SLC7A14: variants seen among roughly 807,000 people sequenced by gnomAD.
SLC7A14 encodes the protein gamma-aminobutyric acid transporter SLC7A14.
A neutral mutation model predicts 60.2 loss-of-function variants in SLC7A14; 37 were observed. That is an observed-to-expected ratio of 0.61 (90% confidence interval 0.47 to 0.81). The LOEUF (loss-of-function observed/expected upper bound fraction) is 0.81. SLC7A14 is among the 30% of genes least tolerant of loss of function. The pLI is 0.00. For synonymous variants in SLC7A14, 399 were observed against 395.8 expected (o/e 1.01, Z -0.10); for missense variants, 886 against 982.7 (o/e 0.90, Z 1.32).
chr3:170,543,713 G>C (rs534245656), intron 1 of SLC7A14, among the ~76,000 whole-genome samples: 4 of 151,668 alleles, frequency 2.6e-5, no homozygotes, highest in African/African-American at 4.8e-5. Flanking sequence ...GTTGGGAAAG[G>C]GGATGGGCTA....
chr3:170,556,443 T>C (rs1422767243), intron 1 of SLC7A14, among the ~76,000 whole-genome samples: 1 of 152,212 alleles, frequency 6.6e-6, no homozygotes, highest in Non-Finnish European at 1.5e-5. Context: ...AGATCTTCTG[T>C]AAATACCATT....
At chr3:170,476,811 AAAGTCAC>A (rs1711631983) in intron 7 of SLC7A14, 1 of 152,254 alleles carries the variant, frequency 6.6e-6, no homozygotes, top group Non-Finnish European at 1.5e-5. Flanking sequence ...TAAATTTCCC[AAAGTCAC>A]AAGACAAAGG....
chr3:170,486,742 C>T (rs1009551190), intron 4 of SLC7A14, among the ~76,000 whole-genome samples: 6 of 151,944 alleles, frequency 3.9e-5, no homozygotes, highest in East Asian at 1.9e-4. Flanking sequence ...CATGGTGACG[C>T]GCACCTGTAA....
At chr3:170,500,550 A>G (rs750048147) in intron 3 of SLC7A14, among the ~76,000 whole-genome samples, 1 of 150,682 alleles carries the variant, frequency 6.6e-6, no homozygotes, top group Non-Finnish European at 1.5e-5. Context: ...TCACTGTTAT[A>G]TTACCCCTCC....
intron 1 of SLC7A14, among the ~76,000 whole-genome samples, chr3:170,567,771 G>GT (rs1714835375): frequency 6.6e-6 from 1 of 150,740 alleles, no homozygotes; most frequent in African/African-American, 2.4e-5. Flanking sequence ...GATGGTGAGC[G>GT]TTTTTTCATG....
At chr3:170,566,962 C>A (rs1714808197) in intron 1 of SLC7A14, among the ~76,000 whole-genome samples, 1 of 152,012 alleles carries the variant, frequency 6.6e-6, no homozygotes, top group Admixed American at 6.5e-5. Context: ...CTTAAACATT[C>A]ATTTACAACT....
rs574542453 is a variant in SLC7A14 at position 170,463,877 on chromosome 3, A to G, written c.*3178T>C. On this transcript the variant is annotated 3_prime_UTR_variant, in exon 8 of 8. Coordinates refer to ENST00000231706, the MANE Select transcript of SLC7A14 (RefSeq NM_020949.3). ...CAGGCACATGTAGCTAGCAAAATCTAGGTTTGAAGCTTACCTGTGGATTTT... is the reference window on the plus strand; with the variant it reads ...CAGGCACATGTAGCTAGCAAAATCTGGGTTTGAAGCTTACCTGTGGATTTT... 13 of 152,352 alleles carry G rather than the reference A, an allele frequency of 8.5e-5. No individual in the cohort carries two copies. Among genetic ancestry groups the G allele is most frequent in the Admixed American group, 7.8e-4 (12 of 15,304 alleles). The allele number at this position is 152,352 out of a possible 1,614,324, so 9.4% of individuals were successfully genotyped here.
intron 1 of SLC7A14, among the ~76,000 whole-genome samples, chr3:170,584,658 G>T (rs553368996): frequency 2.6e-5 from 4 of 152,276 alleles, no homozygotes; most frequent in East Asian, 1.9e-4. Context: ...GTTTCTGCTC[G>T]CAGGGAATGT....
rs570261466 is a variant in SLC7A14, at chr3:170,524,192, T to C, written c.304+2441A>G. On this transcript the variant is annotated intron_variant, in intron 2 of 7. Transcript: ENST00000231706. Reference sequence around the variant, plus strand: ...GTTTAACAACTAATTCTCTGAACAATGGTAACAACAACAAACACATAGGCC... The same window carrying C: ...GTTTAACAACTAATTCTCTGAACAACGGTAACAACAACAAACACATAGGCC... Among the ~76,000 whole-genome samples the C allele has an allele frequency of 2.0e-5, 3 of 152,284 alleles. No individual in the cohort carries two copies. The East Asian group carries it at 5.8e-4, about 29-fold the overall frequency.
rs779743930 is a variant in SLC7A14, at chr3:170,526,891, C to T, written c.46G>A (p.Gly16Arg). ...GAGTGCATTGCATACCAGGCAGCTC[C>T]CCACTGCACCCGCCGGGGGTCCAGC... ...TSLDPRRVQW[G>R]AAWYAMHSRI... Residue 16 changes from glycine (G) to arginine (R), a missense_variant, in exon 2 of 8, where the codon GGA becomes AGA. By Grantham distance (125) the Gly-to-Arg change is moderately radical. Transcript: ENST00000231706. The T allele has an allele frequency of 2.5e-6, 4 of 1,613,636 alleles. No individual in the cohort carries two copies. The African/African-American group carries it at 4.0e-5, about 16-fold the overall frequency.
chr3:170,582,542 G>A (rs1447484624), intron 1 of SLC7A14, among the ~76,000 whole-genome samples: 2 of 152,174 alleles, frequency 1.3e-5, no homozygotes, highest in Non-Finnish European at 2.9e-5. Flanking sequence ...AGGGCCCAGA[G>A]CACCTCAGCA....
rs1359144751 is a variant in SLC7A14, at chr3:170,541,827, T to G, written c.-152-14739A>C. Among the ~76,000 whole-genome samples the G allele has an allele frequency of 2.0e-5, 3 of 152,316 alleles. No homozygotes were observed. In the East Asian group the frequency reaches 5.8e-4, roughly 29 times the overall value. On this transcript the variant is annotated intron_variant, in intron 1 of 7. Coordinates refer to ENST00000231706, the MANE Select transcript of SLC7A14 (RefSeq NM_020949.3). ...CAGTTACTCTTGCACCAACCTAATA[T>G]TTTTATCTTTTCTGTGGTCAGGATC...
At chr3:170,497,652 T>C (rs1008845188) in intron 4 of SLC7A14, among the ~76,000 whole-genome samples, 2 of 152,240 alleles carry the variant, frequency 1.3e-5, no homozygotes, top group Non-Finnish European at 2.9e-5. Context: ...CTAAGGTCCC[T>C]GACAGCTCAA....
At chr3:170,495,613 GC>G (rs1481245817) in intron 4 of SLC7A14, 1 of 785,960 alleles carries the variant, frequency 1.3e-6, no homozygotes, top group Non-Finnish European at 2.3e-6. Flanking sequence ...GGTGGGGCCA[GC>G]GGCATAGGAG....
chr3:170,508,231 C>CG (rs1712846667), intron 2 of SLC7A14, among the ~76,000 whole-genome samples: 1 of 152,136 alleles, frequency 6.6e-6, no homozygotes, highest in Non-Finnish European at 1.5e-5. Context: ...GAAAACCAAC[C>CG]AACCAGAAAG....
rs17852127 is a variant in SLC7A14, at chr3:170,498,832, G to A, written c.594C>T (p.Ile198=). Reference sequence around the variant, plus strand: ...CCCCCAGAGCAACAATGATGGTCACGATGACCGCGATCAACAGAGCCAGAA... The same window carrying A: ...CCCCCAGAGCAACAATGATGGTCACAATGACCGCGATCAACAGAGCCAGAA... ...PDLLALLIAV[I]VTIIVALGVK... is the part of the protein sequence containing the mutation. Residue 198 remains isoleucine, a synonymous_variant, in exon 4 of 8, where the codon ATC becomes ATT. Transcript: ENST00000231706. 6 of 1,614,142 alleles carry A rather than the reference G, an allele frequency of 3.7e-6. No homozygotes were observed. In the East Asian group the frequency reaches 8.9e-5, roughly 24 times the overall value.
chr3:170,483,956 C>T (rs115276309), intron 5 of SLC7A14, among the ~76,000 whole-genome samples: 2,315 of 152,274 alleles, frequency 0.015, 39 homozygotes, highest in Non-Finnish European at 0.018. Context: ...GCTTTCTGGT[C>T]CTACAGGGTT....
intron 7 of SLC7A14, among the ~76,000 whole-genome samples, chr3:170,472,634 G>A (rs1001565956): frequency 3.3e-5 from 5 of 151,996 alleles, no homozygotes; most frequent in African/African-American, 1.2e-4. Flanking sequence ...GGGCATGGCG[G>A]TGGGCACCTG....
chr3:170,467,174 G>A lies in SLC7A14; in HGVS notation c.2197C>T (p.Gln733Ter), dbSNP rs1739739313. ...PTEDKGFYYQ[Q>*]MSDAKANGRT... ...CCGTTTGCCTTCGCATCTGACATCT[G>A]TTGGTAATAGAAGCCTTTGTCTTCA... Residue 733 changes from glutamine to a stop codon, truncating the protein, a stop_gained, in exon 8 of 8, where the codon CAG becomes TAG. Transcript: ENST00000231706. LOFTEE classifies it high-confidence loss of function. The A allele has an allele frequency of 6.2e-7, 1 of 1,614,226 alleles. No homozygotes were observed. Among genetic ancestry groups the A allele is most frequent in the Non-Finnish European group, 8.5e-7 (1 of 1,180,050 alleles).
Sources: allele counts gnomAD v4.1 joint callset (sites outside exome capture counted in the v4.1 genomes callset), GRCh38; gene constraint gnomAD v4.1.1; transcripts MANE v1.5; gene names NCBI Gene and HGNC (gene_info 2026-07-23, HGNC 2026-07-21).